DENND4A: variants seen among roughly 807,000 people sequenced by gnomAD.
DENND4A encodes DENN domain containing 4A, also known as C-myc promoter-binding protein.
DENND4A carries 70 observed loss-of-function variants against 199.3 expected under a neutral mutation model. The observed-to-expected ratio is 0.35, with a 90% CI of 0.29 to 0.43. DENND4A has a LOEUF of 0.43. DENND4A is among the 20% of genes least tolerant of loss of function. The pLI is 1.00. For missense variants in DENND4A, 1,723 were observed against 2,255.8 expected, an observed-to-expected ratio of 0.76 and a Z score of 4.78; for synonymous variants, 686 against 766.9, an observed-to-expected ratio of 0.89 and a Z score of 1.74.
At chr15:65,728,174 T>G (rs2075860936) in intron 11 of DENND4A, among the ~76,000 whole-genome samples, 1 of 151,930 alleles carries the variant, frequency 6.6e-6, no homozygotes, top group Non-Finnish European at 1.5e-5. Context: ...AGCTAATTTT[T>G]GAATTTTTAG....
chr15:65,716,362 AT>A (rs1366719117), intron 13 of DENND4A, among the ~76,000 whole-genome samples: 1 of 150,096 alleles, frequency 6.7e-6, no homozygotes, highest in Non-Finnish European at 1.5e-5. Context: ...ATCATTTAAC[AT>A]TAGGTATATC....
At chr15:65,685,795 C>T (rs538427474) in intron 23 of DENND4A, among the ~76,000 whole-genome samples, 1 of 152,288 alleles carries the variant, frequency 6.6e-6, no homozygotes, top group African/African-American at 2.4e-5. Flanking sequence ...TATCATTTCC[C>T]CATTGAATTG....
intron 22 of DENND4A, among the ~76,000 whole-genome samples, chr15:65,692,225 A>G (rs2076997825): frequency 1.3e-5 from 2 of 152,196 alleles, no homozygotes; most frequent in South Asian, 2.1e-4. Flanking sequence ...CCAAGTCCTT[A>G]TAACTATAAA....
intron 20 of DENND4A, among the ~76,000 whole-genome samples, chr15:65,699,046 C>T (rs756999916): frequency 6.6e-6 from 1 of 151,956 alleles, no homozygotes; most frequent in Non-Finnish European, 1.5e-5. Flanking sequence ...CCTAAGATAG[C>T]CTTTTTAAAA....
intron 1 of DENND4A, among the ~76,000 whole-genome samples, chr15:65,789,610 AC>A (rs2077661167): frequency 6.6e-6 from 1 of 152,140 alleles, no homozygotes; most frequent in Non-Finnish European, 1.5e-5. Context: ...TAAGTCTCTG[AC>A]ATCAGAGAAG....
intron 18 of DENND4A, 66 bp downstream of exon 18, chr15:65,701,696 T>C (rs16948954): frequency 0.21 from 305,110 of 1,455,608 alleles, 39,778 homozygotes; most frequent in East Asian, 0.7. Flanking sequence ...GCATAAATTA[T>C]TTCTGCCATT....
At position 65,664,590 on chromosome 15, in the gene DENND4A, A is replaced by G; in HGVS notation, c.5492T>C (p.Leu1831Pro). 6.2e-7 allele frequency: 1 copy of G among 1,612,848 alleles called. No homozygotes were observed. Among genetic ancestry groups the G allele is most frequent in the Non-Finnish European group, 8.5e-7 (1 of 1,179,230 alleles). The change falls in exon 31 of 33, where the codon CTG (leucine) becomes CCG (proline). Residue 1831 changes from leucine (L) to proline (P), a missense_variant. Leu to Pro is a moderately conservative substitution (Grantham distance 98). Transcript: ENST00000443035. ...TCTTTTAAAATGTGGACACTTATTCAGTGTCTCTAAAATCTGACTCATTGG... is the reference window on the plus strand; with the variant it reads ...TCTTTTAAAATGTGGACACTTATTCGGTGTCTCTAAAATCTGACTCATTGG... ...YGPMSQILET[L>P]NKCPHFKRQR...
intron 22 of DENND4A, among the ~76,000 whole-genome samples, chr15:65,695,522 C>A (rs1339121319): frequency 1.3e-5 from 2 of 152,120 alleles, no homozygotes; most frequent in Non-Finnish European, 2.9e-5. Context: ...CTTAGTTTGC[C>A]TTTCCCTGAA....
rs1414500753 is a variant in DENND4A, at chr15:65,659,685, C to G, written c.*2166G>C. 1 of 152,280 alleles carries G rather than the reference C, an allele frequency of 6.6e-6. No homozygotes were observed. The highest frequency in any genetic ancestry group is 6.5e-5 in the Admixed American group (1 of 15,306). The allele number at this position is 152,280 out of a possible 1,614,324, so 9.4% of individuals were successfully genotyped here. A position where few individuals can be genotyped will look rare whatever the true frequency, so the allele number is the denominator to read the frequency against. ...TTAATTTTCTTTTGAACAGGTTTACCACTTTGTATTTGTGTTTTAGGTTTT... is the reference window on the plus strand; with the variant it reads ...TTAATTTTCTTTTGAACAGGTTTACGACTTTGTATTTGTGTTTTAGGTTTT... On this transcript the variant is annotated 3_prime_UTR_variant, in exon 33 of 33. Coordinates refer to ENST00000443035, the MANE Select transcript of DENND4A (RefSeq NM_001320835.1).
intron 1 of DENND4A, among the ~76,000 whole-genome samples, chr15:65,788,350 C>A (rs538753261): frequency 6.6e-6 from 1 of 152,174 alleles, no homozygotes; most frequent in African/African-American, 2.4e-5. Flanking sequence ...GCTGGGATTA[C>A]AGGCGTGAGC....
At chr15:65,753,723 A>G (rs1480937828) in intron 3 of DENND4A, among the ~76,000 whole-genome samples, 1 of 152,178 alleles carries the variant, frequency 6.6e-6, no homozygotes, top group Non-Finnish European at 1.5e-5. Flanking sequence ...TGCATTTGCT[A>G]TAAAACTTGT....
At chr15:65,692,531 C>T (rs1453848753) in intron 22 of DENND4A, among the ~76,000 whole-genome samples, 2 of 152,134 alleles carry the variant, frequency 1.3e-5, no homozygotes, top group African/African-American at 2.4e-5. Context: ...TGTGCCTTTT[C>T]TTGTCATGTG....
intron 7 of DENND4A, among the ~76,000 whole-genome samples, chr15:65,736,252 G>C (rs72741257): frequency 1.3e-5 from 2 of 151,764 alleles, no homozygotes; most frequent in East Asian, 3.9e-4. Flanking sequence ...CAGAACAATA[G>C]ATTTTTTTAT....
In DENND4A at chr15:65,706,217, A is replaced by G; in HGVS notation, c.1961T>C (p.Met654Thr). 1.9e-6 allele frequency: 3 copies of G among 1,559,754 alleles called. No homozygotes were observed. The highest frequency in any genetic ancestry group is 1.2e-5 in the South Asian group (1 of 83,310). The change falls in exon 15 of 33, where the codon ATG (methionine) becomes ACG (threonine). Residue 654 changes from methionine to threonine, a missense_variant. Around this residue, in one of 6 missense-constraint regions of DENND4A, gnomAD observed 725 missense variants for 952.9 expected, o/e 0.76. Coordinates refer to ENST00000443035, the MANE Select transcript of DENND4A (RefSeq NM_001320835.1). ...FFDDCVDKVD[M>T]DKSGEVRLIE... is the part of the protein sequence containing the mutation. ...AAGTCGTACTTCACCGCTCTTGTCC[A>G]TATCCACCTAAAGGAGTTTTAAAAA...
intron 15 of DENND4A, 78 bp downstream of exon 15, chr15:65,706,013 C>T: frequency 1.4e-6 from 2 of 1,383,172 alleles, no homozygotes; most frequent in South Asian, 2.1e-5. Flanking sequence ...TTGAAAATAC[C>T]ACAGTCCTTA....
chr15:65,774,676 A>T (rs1282701281), intron 1 of DENND4A, among the ~76,000 whole-genome samples: 1 of 152,030 alleles, frequency 6.6e-6, no homozygotes, highest in East Asian at 1.9e-4. Context: ...TCTCAAAAAA[A>T]TAAAATAAAA....
chr15:65,715,307 G>A, intron 14 of DENND4A, 171 bp downstream of exon 14: 1 of 548,630 alleles, frequency 1.8e-6, no homozygotes, highest in South Asian at 2.7e-5. Flanking sequence ...AATTGTAAGA[G>A]GTGCATTCTA....
intron 1 of DENND4A, among the ~76,000 whole-genome samples, chr15:65,778,707 G>C (rs1453412997): frequency 1.3e-5 from 2 of 151,648 alleles, no homozygotes; most frequent in African/African-American, 4.8e-5. Context: ...GACCATCCTA[G>C]CTAACAGTGA....
intron 29 of DENND4A, among the ~76,000 whole-genome samples, chr15:65,665,915 C>A (rs1473583465): frequency 6.6e-6 from 1 of 152,168 alleles, no homozygotes; most frequent in African/African-American, 2.4e-5. Context: ...AACTTAGAGA[C>A]CACCATTTAG....
Sources: allele counts gnomAD v4.1 joint callset (sites outside exome capture counted in the v4.1 genomes callset), GRCh38; gene constraint gnomAD v4.1.1; regional missense constraint gnomAD v4.1.1; transcripts MANE v1.5; gene names NCBI Gene and HGNC (gene_info 2026-07-23, HGNC 2026-07-21).